The following CACNA1C variants were observed in gnomAD, a reference collection of about 807,000 sequenced individuals.
The protein encoded by CACNA1C is calcium voltage-gated channel subunit alpha1 C.
CACNA1C carries 30 observed loss-of-function variants against 229.0 expected under a neutral mutation model. That is an observed-to-expected ratio of 0.13 (90% CI 0.10 to 0.18). The LOEUF (loss-of-function observed/expected upper bound fraction) is 0.18. Ranked by LOEUF, CACNA1C falls within the 10% of genes least tolerant of loss-of-function variation. The probability of loss-of-function intolerance (pLI) is 1.00; values close to 1 mark genes in which losing one functional copy is unlikely to be tolerated. For missense variants in CACNA1C, 1,658 were observed against 2,845.0 expected (o/e 0.58, Z 9.49); for synonymous variants, 1,114 against 1,132.5 (o/e 0.98, Z 0.33).
At chr12:2,663,828 G>A (rs577385636) in intron 34 of CACNA1C, among the ~76,000 whole-genome samples, 5 of 128,438 alleles carry the variant, frequency 3.9e-5, no homozygotes, top group East Asian at 5.1e-4. Context: ...TGCAAACTCC[G>A]CCTCCCGGGT....
chr12:2,168,837 G>C (rs1411452514), intron 3 of CACNA1C, among the ~76,000 whole-genome samples: 2 of 152,172 alleles, frequency 1.3e-5, no homozygotes, highest in Non-Finnish European at 2.9e-5. Flanking sequence ...GGAGATGCTG[G>C]TGGTGGTGTG....
At chr12:2,105,528 G>A (rs557636214) in intron 1 of CACNA1C, among the ~76,000 whole-genome samples, 13 of 152,326 alleles carry the variant, frequency 8.5e-5, no homozygotes, top group African/African-American at 2.4e-4. Context: ...AGGAGGAAGC[G>A]CAGTCAGATG....
chr12:2,012,048 T>G (rs2044535528), intron 1 of CACNA1C, among the ~76,000 whole-genome samples: 1 of 152,238 alleles, frequency 6.6e-6, no homozygotes. Context: ...CCTTTTCACC[T>G]TGTCATTGAT....
intron 3 of CACNA1C, among the ~76,000 whole-genome samples, chr12:2,411,087 C>A (rs969369490): frequency 1.3e-5 from 2 of 152,138 alleles, no homozygotes; most frequent in Non-Finnish European, 2.9e-5. Flanking sequence ...ATGATGTCCC[C>A]AACTGCTCCG....
chr12:2,227,833 T>C (rs1260804557), intron 3 of CACNA1C, among the ~76,000 whole-genome samples: 1 of 152,222 alleles, frequency 6.6e-6, no homozygotes, highest in African/African-American at 2.4e-5. Flanking sequence ...TTCTTTCTCA[T>C]TGATACATAA....
chr12:2,066,253 A>G (rs999525506), intron 1 of CACNA1C, among the ~76,000 whole-genome samples: 2 of 152,078 alleles, frequency 1.3e-5, no homozygotes, highest in African/African-American at 4.8e-5. Flanking sequence ...TGCACGCAGA[A>G]TTAGAGTTCT....
chr12:2,173,483 G>T (rs1209409681), intron 3 of CACNA1C, among the ~76,000 whole-genome samples: 2 of 152,186 alleles, frequency 1.3e-5, no homozygotes, highest in Admixed American at 6.5e-5. Flanking sequence ...ACAAAGACTG[G>T]CCCATGCCAG....
At chr12:1,999,342 GGC>G (rs1166933497) in intron 1 of CACNA1C, among the ~76,000 whole-genome samples, 1 of 152,092 alleles carries the variant, frequency 6.6e-6, no homozygotes, top group Non-Finnish European at 1.5e-5. Flanking sequence ...AAGAGTAAAT[GGC>G]TATAAAAAAT....
intron 3 of CACNA1C, among the ~76,000 whole-genome samples, chr12:2,282,926 G>A (rs1409037488): frequency 6.6e-6 from 1 of 152,032 alleles, no homozygotes; most frequent in East Asian, 1.9e-4. Context: ...ATTTCCTTAT[G>A]GTTGCAAGAT....
rs1216589000 is a variant in CACNA1C at position 2,695,060 on chromosome 12, C to A, written c.*3861C>A. On this transcript the variant is annotated 3_prime_UTR_variant, in exon 47 of 47. Coordinates refer to ENST00000399655, the MANE Select transcript of CACNA1C (RefSeq NM_000719.7). ...AGGCCACAAAAAGGGCCTGCTGACT[C>A]CCAGAAGACCTCTTTAAACCCCAGG... The A allele has an allele frequency of 6.6e-6, 1 of 152,086 alleles. No individual in the cohort carries two copies. The highest frequency in any genetic ancestry group is 1.5e-5 in the Non-Finnish European group (1 of 68,040). The allele number at this position is 152,086 out of a possible 1,614,324, so 9.4% of individuals were successfully genotyped here.
At chr12:2,570,320 C>A (rs540900102) in intron 13 of CACNA1C, among the ~76,000 whole-genome samples, 3 of 152,074 alleles carry the variant, frequency 2.0e-5, no homozygotes, top group South Asian at 2.1e-4. Flanking sequence ...TTGCTCAGAG[C>A]GTGTTTCTGA....
chr12:2,388,751 G>A (rs2098437808), intron 3 of CACNA1C, among the ~76,000 whole-genome samples: 1 of 152,018 alleles, frequency 6.6e-6, no homozygotes, highest in Non-Finnish European at 1.5e-5. Flanking sequence ...ATATCCAAGT[G>A]CAGTTGACCA....
At chr12:2,448,253 G>T (rs1374890554) in intron 3 of CACNA1C, among the ~76,000 whole-genome samples, 1 of 152,210 alleles carries the variant, frequency 6.6e-6, no homozygotes, top group Non-Finnish European at 1.5e-5. Context: ...TCTGCCCCTT[G>T]AGGAAAGAGA....
chr12:2,062,906 A>G (rs956026640), intron 1 of CACNA1C, among the ~76,000 whole-genome samples: 1 of 152,096 alleles, frequency 6.6e-6, no homozygotes, highest in African/African-American at 2.4e-5. Context: ...GACTTCATGC[A>G]TTATTTATTT....
chr12:2,653,791 C>G lies in CACNA1C; in HGVS notation c.4075-44C>G. ...CTCCCTGGGAAGGGGCCCAGCTGGC[C>G]TCTGCACTCCAGCCTCATGGGAGTC... On this transcript the variant is annotated intron_variant, in intron 32 of 46. Coordinates refer to ENST00000399655, the MANE Select transcript of CACNA1C (RefSeq NM_000719.7). The surrounding 1 kb of genome is among the most constrained non-coding windows in gnomAD (Gnocchi z 4.7). 6.4e-7 allele frequency: 1 copy of G among 1,563,624 alleles called. No homozygotes were observed. The highest frequency in any genetic ancestry group is 8.8e-7 in the Non-Finnish European group (1 of 1,135,032).
At chr12:2,470,519 G>C (rs192391790) in intron 5 of CACNA1C, among the ~76,000 whole-genome samples, 76 of 152,220 alleles carry the variant, frequency 5.0e-4, no homozygotes, top group African/African-American at 1.6e-3. Context: ...TGATTCTCTC[G>C]TGCTGATTCA....
chr12:2,064,630 G>A (rs1023683098), intron 1 of CACNA1C, among the ~76,000 whole-genome samples: 2 of 152,164 alleles, frequency 1.3e-5, no homozygotes, highest in African/African-American at 2.4e-5. Flanking sequence ...TAAACAGTCC[G>A]GGGAGAAAAT....
intron 1 of CACNA1C, among the ~76,000 whole-genome samples, chr12:2,110,115 A>T (rs1048480850): frequency 1.3e-5 from 2 of 152,210 alleles, no homozygotes; most frequent in Admixed American, 1.3e-4. Flanking sequence ...CCTCACTCAC[A>T]GGGGACACCC....
chr12:2,192,856 G>A (rs771110860), intron 3 of CACNA1C, among the ~76,000 whole-genome samples: 1 of 152,180 alleles, frequency 6.6e-6, no homozygotes, highest in East Asian at 1.9e-4. Context: ...GAGAGGGTGC[G>A]CTGAGCCAGA....
Sources: allele counts gnomAD v4.1 joint callset (sites outside exome capture counted in the v4.1 genomes callset), GRCh38; gene constraint gnomAD v4.1.1; non-coding constraint Gnocchi (gnomAD v3.1); transcripts MANE v1.5; gene names NCBI Gene and HGNC (gene_info 2026-07-23, HGNC 2026-07-21).